FGF12: variants seen among roughly 807,000 people sequenced by gnomAD.
FGF12 encodes the protein fibroblast growth factor 12.
A neutral mutation model predicts 23.6 loss-of-function variants in FGF12; 14 were observed. That is an observed-to-expected ratio of 0.59 (90% CI 0.39 to 0.93). The LOEUF is 0.93. FGF12 is among the 40% of genes least tolerant of loss of function. The pLI is 0.00. For missense variants in FGF12, 175 were observed against 217.8 expected (o/e 0.80, Z 1.24); for synonymous variants, 62 against 77.3 (o/e 0.80, Z 1.04).
intron 4 of FGF12, among the ~76,000 whole-genome samples, chr3:192,258,023 A>T (rs1049163025): frequency 6.2e-5 from 4 of 64,338 alleles, no homozygotes; most frequent in Non-Finnish European, 9.4e-5. Flanking sequence ...GTAAAATTTA[A>T]AAAAAAAAAA....
chr3:192,645,927 G>A (rs1400744267), intron 2 of FGF12, among the ~76,000 whole-genome samples: 1 of 152,014 alleles, frequency 6.6e-6, no homozygotes, highest in Non-Finnish European at 1.5e-5. Flanking sequence ...GAATAGCAGG[G>A]GCCATGTAAT....
intron 2 of FGF12, among the ~76,000 whole-genome samples, chr3:192,378,025 C>CTTTCTCTCTCTTTCTTTCT: frequency 1.3e-5 from 1 of 74,498 alleles, no homozygotes; most frequent in East Asian, 4.5e-4. Flanking sequence ...CTGACTCTTT[C>CTTTCTCTCTCTTTCTTTCT]TTTTCTTTCT....
intron 2 of FGF12, among the ~76,000 whole-genome samples, chr3:192,644,415 T>C (rs891886021): frequency 2.0e-5 from 3 of 152,022 alleles, no homozygotes; most frequent in Non-Finnish European, 4.4e-5. Context: ...TGCACCTGTT[T>C]TCTGGATCAC....
intron 4 of FGF12, among the ~76,000 whole-genome samples, chr3:192,297,136 A>G (rs1290093969): frequency 1.3e-5 from 2 of 152,216 alleles, no homozygotes; most frequent in Non-Finnish European, 2.9e-5. Context: ...ATATATAGGT[A>G]TGTCTGCTCA....
intron 2 of FGF12, among the ~76,000 whole-genome samples, chr3:192,719,039 T>C (rs1046488014): frequency 2.6e-5 from 4 of 151,918 alleles, no homozygotes; most frequent in African/African-American, 9.7e-5. Context: ...ATCCATGGAA[T>C]AGAAGAACGA....
chr3:192,303,650 G>A (rs1281469154), intron 4 of FGF12, among the ~76,000 whole-genome samples: 4 of 152,150 alleles, frequency 2.6e-5, no homozygotes, highest in Non-Finnish European at 4.4e-5. Context: ...TTATGAACAG[G>A]TATCAGAGTG....
intron 2 of FGF12, among the ~76,000 whole-genome samples, chr3:192,376,853 G>A (rs903887341): frequency 6.6e-6 from 1 of 152,104 alleles, no homozygotes; most frequent in Admixed American, 6.6e-5. Flanking sequence ...TCTTTTTGAT[G>A]GTTTATATCC....
At chr3:192,402,949 A>G (rs975760799) in intron 2 of FGF12, among the ~76,000 whole-genome samples, 14 of 152,196 alleles carry the variant, frequency 9.2e-5, no homozygotes, top group African/African-American at 2.9e-4. Context: ...AAAATATAGC[A>G]TATCAAGCGT....
At chr3:192,310,840 C>CA in intron 4 of FGF12, among the ~76,000 whole-genome samples, 1 of 152,082 alleles carries the variant, frequency 6.6e-6, no homozygotes, top group Non-Finnish European at 1.5e-5. Flanking sequence ...CTTCTGTGGT[C>CA]AAAATCATTG....
chr3:192,364,804 G>A (rs892595571), intron 2 of FGF12, among the ~76,000 whole-genome samples: 1 of 152,104 alleles, frequency 6.6e-6, no homozygotes, highest in Non-Finnish European at 1.5e-5. Flanking sequence ...TGTGCATAAT[G>A]GGCTTTGGAC....
At chr3:192,620,871 G>C (rs115694245) in intron 2 of FGF12, among the ~76,000 whole-genome samples, 2 of 152,068 alleles carry the variant, frequency 1.3e-5, no homozygotes, top group Non-Finnish European at 1.5e-5. Context: ...ACCTGGGCTC[G>C]AGCTCAGTAA....
chr3:192,167,772 A>ATTTTTTTT (rs368951795), intron 5 of FGF12, among the ~76,000 whole-genome samples: 3 of 15,404 alleles, frequency 1.9e-4, no homozygotes, highest in African/African-American at 6.7e-4. Flanking sequence ...TATATATAAA[A>ATTTTTTTT]TTTTTTTTTT....
At chr3:192,636,925 C>G (rs973179440) in intron 2 of FGF12, among the ~76,000 whole-genome samples, 4 of 152,080 alleles carry the variant, frequency 2.6e-5, no homozygotes, top group African/African-American at 9.7e-5. Context: ...AGAGTGTTAA[C>G]TACTGATTAG....
chr3:192,561,859 T>A (rs1392725546), intron 2 of FGF12, among the ~76,000 whole-genome samples: 1 of 151,648 alleles, frequency 6.6e-6, no homozygotes, highest in Non-Finnish European at 1.5e-5. Context: ...TGCTCCTGGG[T>A]TTTTACACAA....
chr3:192,404,257 T>G (rs1454124011), intron 2 of FGF12, among the ~76,000 whole-genome samples: 2 of 152,192 alleles, frequency 1.3e-5, no homozygotes, highest in Non-Finnish European at 2.9e-5. Context: ...TTAGGCTTAA[T>G]CAATTGCTTT....
At chr3:192,303,865 A>G (rs79751112) in intron 4 of FGF12, among the ~76,000 whole-genome samples, 4,281 of 152,306 alleles carry the variant, frequency 0.028, 160 homozygotes, top group South Asian at 0.17. Context: ...AAGCCCTTTG[A>G]AACTGTCAAG....
chr3:192,547,302 T>C (rs1401563952), intron 2 of FGF12, among the ~76,000 whole-genome samples: 1 of 152,224 alleles, frequency 6.6e-6, no homozygotes, highest in Non-Finnish European at 1.5e-5. Flanking sequence ...ATTAATTAAA[T>C]GTTTTTTATA....
intron 4 of FGF12, among the ~76,000 whole-genome samples, chr3:192,270,812 G>T (rs1357392842): frequency 6.7e-6 from 1 of 149,612 alleles, no homozygotes; most frequent in African/African-American, 2.4e-5. Flanking sequence ...AGGAAGGAAG[G>T]AAGGAAAGAA....
intron 5 of FGF12, among the ~76,000 whole-genome samples, chr3:192,155,083 G>GC (rs1232796061): frequency 1.3e-5 from 2 of 150,932 alleles, no homozygotes; most frequent in Non-Finnish European, 2.9e-5. Flanking sequence ...TTTTCCAGGT[G>GC]CGTCTGTCAC....
Sources: gnomAD v4.1 joint callset for allele counts (sites outside exome capture counted in the v4.1 genomes callset) on GRCh38, gnomAD v4.1.1 for gene constraint, MANE v1.5 for transcripts, NCBI Gene and HGNC (gene_info 2026-07-23, HGNC 2026-07-21) for gene names.